Variants in CFAP299 observed in about 807,000 individuals in gnomAD.
CFAP299 encodes cilia and flagella associated protein 299, also known as cilia- and flagella-associated protein 299.
Under a neutral mutation model 27.0 loss-of-function variants are expected in CFAP299, and 21 were observed. The ratio of observed to expected loss-of-function variants is 0.78; its 90% CI spans 0.55 to 1.12. The LOEUF (loss-of-function observed/expected upper bound fraction) is 1.12. CFAP299 is among the 50% of genes most tolerant of loss of function. The pLI is 0.00. For synonymous variants in CFAP299, 104 were observed against 98.1 expected (o/e 1.06, Z -0.36); for missense variants, 310 against 276.6 (o/e 1.12, Z -0.86).
At chr4:80,334,259 C>A (rs1249058235), upstream of CFAP299, among the ~76,000 whole-genome samples, 4 of 152,178 alleles carry the variant, frequency 2.6e-5, no homozygotes, top group Non-Finnish European at 5.9e-5. Context: ...TATAGCCAAA[C>A]CATGACCTCA....
intron 2 of CFAP299, among the ~76,000 whole-genome samples, chr4:80,413,964 A>G (rs555690731): frequency 2.0e-5 from 3 of 151,884 alleles, no homozygotes; most frequent in African/African-American, 7.2e-5. Flanking sequence ...CATCTGGCCC[A>G]TGTTCATCTT....
At chr4:80,385,960 G>T (rs957226116) in intron 2 of CFAP299, among the ~76,000 whole-genome samples, 5 of 152,234 alleles carry the variant, frequency 3.3e-5, no homozygotes, top group African/African-American at 7.2e-5. Flanking sequence ...ACCGTGGGCG[G>T]CCCTGCCCCT....
chr4:80,597,262 C>T (rs1028022385), intron 3 of CFAP299, among the ~76,000 whole-genome samples: 21 of 152,008 alleles, frequency 1.4e-4, no homozygotes, highest in African/African-American at 5.1e-4. Context: ...TTTTAATATT[C>T]TAGTAAGTAT....
At chr4:80,346,599 A>G (rs1401142357) in intron 1 of CFAP299, among the ~76,000 whole-genome samples, 1 of 150,844 alleles carries the variant, frequency 6.6e-6, no homozygotes, top group Non-Finnish European at 1.5e-5. Flanking sequence ...GTGTGGTGTT[A>G]TTTCTTAGGC....
At chr4:80,598,686 G>A (rs978542264) in intron 3 of CFAP299, among the ~76,000 whole-genome samples, 1 of 152,142 alleles carries the variant, frequency 6.6e-6, no homozygotes, top group Non-Finnish European at 1.5e-5. Flanking sequence ...GCAAATACCA[G>A]ATACTATAGG....
intron 1 of CFAP299, 109 bp downstream of exon 1, chr4:80,335,988 AG>A: frequency 1.4e-6 from 1 of 711,646 alleles, no homozygotes; most frequent in African/African-American, 1.8e-5. Flanking sequence ...CTCAGCTGTC[AG>A]GCGCCGCGGT....
At chr4:80,911,858 A>G (rs1735488539) in intron 4 of CFAP299, among the ~76,000 whole-genome samples, 1 of 152,154 alleles carries the variant, frequency 6.6e-6, no homozygotes, top group Admixed American at 6.5e-5. Flanking sequence ...ATATTTTTTC[A>G]TACCATGCAA....
At chr4:80,737,971 ATTTC>A (rs1280984549) in intron 3 of CFAP299, among the ~76,000 whole-genome samples, 1 of 152,000 alleles carries the variant, frequency 6.6e-6, no homozygotes, top group East Asian at 1.9e-4. Context: ...GTCCATTTTA[ATTTC>A]TTTATTGACT....
intron 3 of CFAP299, among the ~76,000 whole-genome samples, chr4:80,844,562 T>G (rs572153365): frequency 3.5e-4 from 54 of 152,244 alleles, no homozygotes; most frequent in African/African-American, 1.2e-3. Context: ...CTTTTGAGAA[T>G]TGTCTGTTCA....
chr4:80,582,477 T>C (rs1024779988), intron 2 of CFAP299, among the ~76,000 whole-genome samples: 1 of 151,900 alleles, frequency 6.6e-6, no homozygotes, highest in African/African-American at 2.4e-5. Flanking sequence ...GAAAATAGTA[T>C]TATTTCACAA....
At chr4:80,737,449 G>T (rs1485646072) in intron 3 of CFAP299, among the ~76,000 whole-genome samples, 1 of 152,080 alleles carries the variant, frequency 6.6e-6, no homozygotes, top group Admixed American at 6.6e-5. Context: ...ATTTTATTAT[G>T]TTTTGATCTC....
intron 2 of CFAP299, among the ~76,000 whole-genome samples, chr4:80,407,459 A>G (rs935410233): frequency 6.6e-6 from 1 of 152,126 alleles, no homozygotes; most frequent in South Asian, 2.1e-4. Flanking sequence ...TTTGGCTGGG[A>G]TGACTCAAAT....
chr4:80,842,106 G>GGTGAGGATGGGAGA (rs1043477261), intron 3 of CFAP299, among the ~76,000 whole-genome samples: 1 of 152,000 alleles, frequency 6.6e-6, no homozygotes, highest in African/African-American at 2.4e-5. Context: ...TGGGAGAGGT[G>GGTGAGGATGGGAGA]GGGGACTTTG....
chr4:80,848,457 A>G (rs1731304711), intron 3 of CFAP299, among the ~76,000 whole-genome samples: 1 of 152,142 alleles, frequency 6.6e-6, no homozygotes, highest in African/African-American at 2.4e-5. Flanking sequence ...TATTGTAGGC[A>G]ATTGTAACAC....
At chr4:80,799,521 T>C (rs1489370643) in intron 3 of CFAP299, among the ~76,000 whole-genome samples, 1 of 79,250 alleles carries the variant, frequency 1.3e-5, no homozygotes, top group East Asian at 4.1e-4. Context: ...TATATTTATA[T>C]AATATATAAT....
chr4:80,663,660 A>AT (rs1463638179), intron 3 of CFAP299, among the ~76,000 whole-genome samples: 1 of 152,236 alleles, frequency 6.6e-6, no homozygotes, highest in Non-Finnish European at 1.5e-5. Flanking sequence ...CAGTAATGGG[A>AT]TTGCTGGGCC....
chr4:80,623,276 T>TAAC (rs3037554), intron 3 of CFAP299, among the ~76,000 whole-genome samples: 44,515 of 151,858 alleles, frequency 0.29, 9,659 homozygotes, highest in African/African-American at 0.6. Context: ...GAAAGACAAC[T>TAAC]ATACCAGGCA....
At position 80,856,127 on chromosome 4, in the gene CFAP299, T is replaced by C. The variant is rs1264094759; in HGVS notation, c.334-13866T>C. Among the ~76,000 whole-genome samples the C allele has an allele frequency of 2.6e-5, 4 of 151,808 alleles. No homozygotes were observed. The South Asian group carries it at 6.3e-4, about 24-fold the overall frequency. On this transcript the variant is annotated intron_variant, in intron 3 of 5. Transcript: ENST00000358105. Reference sequence around the variant, plus strand: ...ACTGGTATGAGATGATATCTCATTGTGGTTTTGATTTGCATTTCTCTGATG... The same window carrying C: ...ACTGGTATGAGATGATATCTCATTGCGGTTTTGATTTGCATTTCTCTGATG...
At chr4:80,790,013 A>G (rs1324219135) in intron 3 of CFAP299, among the ~76,000 whole-genome samples, 1 of 152,030 alleles carries the variant, frequency 6.6e-6, no homozygotes, top group African/African-American at 2.4e-5. Context: ...AAGAATATCT[A>G]ACAAATAAGT....
Sources: allele counts gnomAD v4.1 joint callset (sites outside exome capture counted in the v4.1 genomes callset), GRCh38; gene constraint gnomAD v4.1.1; transcripts MANE v1.5; gene names NCBI Gene and HGNC (gene_info 2026-07-23, HGNC 2026-07-21).